The following RANBP2 variants were observed in gnomAD, a reference collection of about 807,000 sequenced individuals.
RANBP2 encodes the protein RAN binding protein 2, also known as E3 SUMO-protein ligase RanBP2.
RANBP2 carries 57 observed loss-of-function variants against 303.6 expected under a neutral mutation model. The observed-to-expected ratio is 0.19, with a 90% CI of 0.15 to 0.23. RANBP2 has a LOEUF of 0.23. Among genes scored for constraint, RANBP2 ranks in the 10% least tolerant of loss-of-function variants. RANBP2 has a pLI of 1.00. For missense variants in RANBP2, 3,138 were observed against 3,780.8 expected, an observed-to-expected ratio of 0.83 and a Z score of 4.46; for synonymous variants, 1,167 against 1,301.5, an observed-to-expected ratio of 0.90 and a Z score of 2.23.
At chr2:109,452,851 A>G in the RANBP2 span, among the ~76,000 whole-genome samples, 1 of 111,630 alleles carries the variant, frequency 9.0e-6, no homozygotes, top group African/African-American at 3.7e-5. Context: ...GGTCCCTGGG[A>G]GGCTGGTCCC....
chr2:108,838,745 A>G, the RANBP2 span, among the ~76,000 whole-genome samples: 1 of 152,184 alleles, frequency 6.6e-6, no homozygotes, highest in African/African-American at 2.4e-5. Flanking sequence ...AAATCCTTTC[A>G]TATATCTTTT....
At chr2:109,377,155 G>C in the RANBP2 span, among the ~76,000 whole-genome samples, 1 of 152,226 alleles carries the variant, frequency 6.6e-6, no homozygotes, top group Non-Finnish European at 1.5e-5. Flanking sequence ...CCCATTGATT[G>C]TCTGTTTCTA....
chr2:109,727,617 G>A, the RANBP2 span, among the ~76,000 whole-genome samples: 245 of 152,270 alleles, frequency 1.6e-3, 2 homozygotes, highest in African/African-American at 5.3e-3. Context: ...CAGGTCCAGC[G>A]AGTCAGTGAT....
chr2:108,739,940 A>T (rs987573726), intron 6 of RANBP2, among the ~76,000 whole-genome samples: 1 of 152,030 alleles, frequency 6.6e-6, no homozygotes, highest in Admixed American at 6.6e-5. Flanking sequence ...GTGAGCTTAG[A>T]TCGTGCCATT....
chr2:109,559,217 AAGCT>A, the RANBP2 span, among the ~76,000 whole-genome samples: 3 of 152,214 alleles, frequency 2.0e-5, no homozygotes, highest in Non-Finnish European at 4.4e-5. Flanking sequence ...TAAAAAATAA[AAGCT>A]TCCTAATACA....
At chr2:109,679,407 T>C in the RANBP2 span, among the ~76,000 whole-genome samples, 7 of 152,248 alleles carry the variant, frequency 4.6e-5, no homozygotes, top group East Asian at 5.8e-4. Context: ...CCATGACTAA[T>C]GTGGATCACT....
chr2:109,017,622 CT>C, the RANBP2 span, among the ~76,000 whole-genome samples: 2 of 152,096 alleles, frequency 1.3e-5, no homozygotes, highest in East Asian at 1.9e-4. Context: ...TTAAATTGCT[CT>C]TTTTTTCCAA....
chr2:108,917,359 A>G, the RANBP2 span, among the ~76,000 whole-genome samples: 1 of 152,196 alleles, frequency 6.6e-6, no homozygotes. Flanking sequence ...CAGGGTGACT[A>G]CAGCGGACAA....
the RANBP2 span, among the ~76,000 whole-genome samples, chr2:109,014,033 G>A: frequency 1.3e-5 from 2 of 152,224 alleles, no homozygotes; most frequent in Non-Finnish European, 2.9e-5. Context: ...CAACAAGCCA[G>A]CTGGAGGTTG....
the RANBP2 span, among the ~76,000 whole-genome samples, chr2:109,034,660 C>T: frequency 6.6e-6 from 1 of 152,210 alleles, no homozygotes; most frequent in Non-Finnish European, 1.5e-5. Flanking sequence ...CTTCATCATC[C>T]TGTACTCCTA....
At chr2:109,503,706 G>A in the RANBP2 span, 1 of 152,214 alleles carries the variant, frequency 6.6e-6, no homozygotes, top group South Asian at 2.1e-4. Flanking sequence ...ACCAGACCAA[G>A]TCAAGTCTCC....
At chr2:108,992,922 G>A in the RANBP2 span, among the ~76,000 whole-genome samples, 1 of 152,140 alleles carries the variant, frequency 6.6e-6, no homozygotes, top group Non-Finnish European at 1.5e-5. Context: ...ACAGGGCTCT[G>A]CCCTCCTCAG....
chr2:109,546,363 C>T, the RANBP2 span: 1 of 525,342 alleles, frequency 1.9e-6, no homozygotes, highest in African/African-American at 1.9e-5. Flanking sequence ...CAAAATCTTT[C>T]TGAAGTCTCA....
At chr2:108,902,090 T>C in the RANBP2 span, among the ~76,000 whole-genome samples, 1 of 151,456 alleles carries the variant, frequency 6.6e-6, no homozygotes, top group Admixed American at 6.6e-5. Context: ...ATACAAAAAT[T>C]AGCTGGGCAT....
chr2:109,498,814 A>G, the RANBP2 span, among the ~76,000 whole-genome samples: 50,543 of 152,070 alleles, frequency 0.33, 9,125 homozygotes, highest in Admixed American at 0.5. Flanking sequence ...ATGGCTGGGC[A>G]GTGGAAGATG....
the RANBP2 span, among the ~76,000 whole-genome samples, chr2:108,905,914 G>A: frequency 6.8e-6 from 1 of 146,034 alleles, no homozygotes; most frequent in Admixed American, 6.6e-5. Flanking sequence ...CGAGGGCAGG[G>A]AGAGGGCAGC....
At chr2:109,568,373 CTTTT>C in the RANBP2 span, among the ~76,000 whole-genome samples, 1 of 129,160 alleles carries the variant, frequency 7.7e-6, no homozygotes. Context: ...GCCACACAAT[CTTTT>C]TTTTTTTTTT....
At chr2:109,146,678 GGCT>G in the RANBP2 span, among the ~76,000 whole-genome samples, 2 of 152,158 alleles carry the variant, frequency 1.3e-5, no homozygotes, top group African/African-American at 4.8e-5. Flanking sequence ...CCCAAAGTCA[GGCT>G]GGGACCCTGA....
chr2:109,331,603 AC>A, the RANBP2 span, among the ~76,000 whole-genome samples: 1 of 152,090 alleles, frequency 6.6e-6, no homozygotes, highest in Non-Finnish European at 1.5e-5. Context: ...TCACTATACT[AC>A]GTACTTTTAA....
Sources: gnomAD v4.1 joint callset for allele counts (sites outside exome capture counted in the v4.1 genomes callset) on GRCh38, gnomAD v4.1.1 for gene constraint, MANE v1.5 for transcripts, NCBI Gene and HGNC (gene_info 2026-07-23, HGNC 2026-07-21) for gene names.